The following AK8 variants were observed in gnomAD, a reference collection of about 807,000 sequenced individuals.
AK8 encodes adenylate kinase 8, also known as ATP-AMP transphosphorylase 8.
In AK8, 44 loss-of-function variants were observed where a neutral mutation model predicts 54.6. The observed-to-expected ratio is 0.81, with a 90% CI of 0.63 to 1.04. The LOEUF is 1.04. Ranked by LOEUF, AK8 falls within the 50% of genes least tolerant of loss-of-function variation. The probability of loss-of-function intolerance (pLI) is 0.00; values close to 1 mark genes in which losing one functional copy is unlikely to be tolerated. For missense variants in AK8, 555 were observed against 613.6 expected, an observed-to-expected ratio of 0.90 and a Z score of 1.01; for synonymous variants, 239 against 245.6, an observed-to-expected ratio of 0.97 and a Z score of 0.25.
At chr9:132,740,071 A>G (rs985503743) in intron 11 of AK8, among the ~76,000 whole-genome samples, 2 of 152,222 alleles carry the variant, frequency 1.3e-5, no homozygotes, top group African/African-American at 2.4e-5. Flanking sequence ...GCGTCCTTAA[A>G]TGCGGAAGAG....
intron 5 of AK8, among the ~76,000 whole-genome samples, chr9:132,851,887 G>A (rs1171767238): frequency 3.3e-5 from 5 of 152,196 alleles, no homozygotes; most frequent in South Asian, 2.1e-4. Flanking sequence ...ATTACTTAGC[G>A]CAGGGAGAAC....
At chr9:132,869,407 C>T (rs1219190311) in intron 2 of AK8, among the ~76,000 whole-genome samples, 4 of 152,228 alleles carry the variant, frequency 2.6e-5, no homozygotes, top group African/African-American at 7.2e-5. Flanking sequence ...ACCATGCTGC[C>T]GCCATCAACC....
At chr9:132,820,718 A>C (rs1250275295) in intron 9 of AK8, among the ~76,000 whole-genome samples, 1 of 152,126 alleles carries the variant, frequency 6.6e-6, no homozygotes, top group African/African-American at 2.4e-5. Context: ...TGTGGGAGTG[A>C]GTGTGGGGGC....
At chr9:132,767,871 G>A (rs898197686) in intron 11 of AK8, among the ~76,000 whole-genome samples, 1 of 152,180 alleles carries the variant, frequency 6.6e-6, no homozygotes. Flanking sequence ...GAAAAATATG[G>A]CATGTTCTCA....
chr9:132,855,276 G>A (rs948536777), intron 4 of AK8, among the ~76,000 whole-genome samples: 5 of 152,148 alleles, frequency 3.3e-5, no homozygotes, highest in South Asian at 2.1e-4. Context: ...GCTACTTCCC[G>A]TGCTCCATCA....
Position 132,793,088 on chromosome 9 carries a change from G to A in AK8, c.980-313C>T, listed in dbSNP as rs1349447822. ...TGTCCCCCTGTCTTAGTCCATTTGG[G>A]CTGCTATAGCAAAATCCCGTAAACT... On this transcript the variant is annotated intron_variant, in intron 10 of 12. Transcript: ENST00000298545. 2.0e-5 allele frequency among the ~76,000 whole-genome samples: 3 copies of A among 152,250 alleles called. No homozygotes were observed. In the East Asian group the frequency reaches 5.8e-4, roughly 29 times the overall value.
At chr9:132,738,041 T>A (rs953636449) in intron 11 of AK8, among the ~76,000 whole-genome samples, 2 of 142,086 alleles carry the variant, frequency 1.4e-5, no homozygotes, top group Non-Finnish European at 3.0e-5. Context: ...GCACAAGATT[T>A]CCCATTGCTG....
chr9:132,743,433 C>T (rs937136324), intron 11 of AK8, among the ~76,000 whole-genome samples: 2 of 152,252 alleles, frequency 1.3e-5, no homozygotes, highest in Non-Finnish European at 2.9e-5. Flanking sequence ...GTGACAACTG[C>T]TGCTTTAAAA....
At chr9:132,816,716 C>G (rs1841344240) in intron 9 of AK8, among the ~76,000 whole-genome samples, 1 of 152,180 alleles carries the variant, frequency 6.6e-6, no homozygotes, top group Non-Finnish European at 1.5e-5. Flanking sequence ...AACAGAGAGA[C>G]AGGTCTGTAA....
At chr9:132,814,980 G>A (rs1271153572) in intron 9 of AK8, among the ~76,000 whole-genome samples, 1 of 152,224 alleles carries the variant, frequency 6.6e-6, no homozygotes, top group Non-Finnish European at 1.5e-5. Context: ...AATGGACGGC[G>A]TGGGGAAGAC....
chr9:132,875,078 G>A (rs1427604738), intron 2 of AK8, 37 bp downstream of exon 2: 1 of 1,612,096 alleles, frequency 6.2e-7, no homozygotes, highest in South Asian at 1.1e-5. Context: ...GAGGGGAAGG[G>A]AAGACGAGGA....
rs191779144 is a variant in AK8 at position 132,789,349 on chromosome 9, G to A, written c.1121+3285C>T. On this transcript the variant is annotated intron_variant, in intron 11 of 12. Coordinates refer to ENST00000298545, the MANE Select transcript of AK8 (RefSeq NM_152572.3). ...GCAGTAGCTCATGCCTGTAATCCAA[G>A]CACTTTGGGAGGCTGAGATGGGTGG... Among the ~76,000 whole-genome samples, 161 of 151,714 alleles carry A rather than the reference G, an allele frequency of 1.1e-3. 1 individual carries two copies. The highest frequency in any genetic ancestry group is 1.4e-3 in the Non-Finnish European group (98 of 67,912).
chr9:132,760,971 C>T (rs529647358), intron 11 of AK8, among the ~76,000 whole-genome samples: 12 of 152,080 alleles, frequency 7.9e-5, no homozygotes, highest in African/African-American at 2.7e-4. Flanking sequence ...ACTATATTTA[C>T]GAATAACATT....
intron 11 of AK8, among the ~76,000 whole-genome samples, chr9:132,730,532 A>G (rs1431749470): frequency 1.3e-5 from 2 of 151,316 alleles, no homozygotes; most frequent in Non-Finnish European, 2.9e-5. Context: ...GATCTTAGAC[A>G]TGTAATTCCC....
intron 10 of AK8, among the ~76,000 whole-genome samples, chr9:132,794,998 T>C (rs977024866): frequency 4.6e-5 from 7 of 152,140 alleles, no homozygotes; most frequent in Admixed American, 1.3e-4. Flanking sequence ...TCAGGAGATG[T>C]GTGTGGGGAA....
At chr9:132,805,812 C>A (rs1243243469) in intron 10 of AK8, among the ~76,000 whole-genome samples, 1 of 152,050 alleles carries the variant, frequency 6.6e-6, no homozygotes, top group Non-Finnish European at 1.5e-5. Flanking sequence ...GAAAAAGACT[C>A]CTACCTAGTT....
intron 11 of AK8, among the ~76,000 whole-genome samples, chr9:132,763,528 A>ACCC (rs1838584073): frequency 6.6e-6 from 1 of 152,266 alleles, no homozygotes; most frequent in Admixed American, 6.5e-5. Context: ...AGATGCGTAA[A>ACCC]CAGACTGTAA....
At position 132,725,856 on chromosome 9, in the gene AK8, A is replaced by G; in HGVS notation, c.1272T>C (p.Asp424=). The G allele has an allele frequency of 6.2e-7, 1 of 1,610,474 alleles. No homozygotes were observed. The highest frequency in any genetic ancestry group is 8.5e-7 in the Non-Finnish European group (1 of 1,178,998). Residue 424 remains aspartate (D), a synonymous_variant, in exon 13 of 13, where the codon GAT becomes GAC. Coordinates refer to ENST00000298545, the MANE Select transcript of AK8 (RefSeq NM_152572.3). ...IQARLLQNPK[D]AEEQVKLKMD... ...TTTTCAGCTTGACCTGCTCTTCAGCATCCTTTGGGTTCTGCAGGAGGCGAG... is the reference window on the plus strand; with the variant it reads ...TTTTCAGCTTGACCTGCTCTTCAGCGTCCTTTGGGTTCTGCAGGAGGCGAG...
chr9:132,847,702 C>G (rs1842802776), intron 5 of AK8, among the ~76,000 whole-genome samples: 1 of 152,132 alleles, frequency 6.6e-6, no homozygotes, highest in South Asian at 2.1e-4. Context: ...CAAAGAGAGC[C>G]AGGCATGGTG....
Sources: gnomAD v4.1 joint callset for allele counts (sites outside exome capture counted in the v4.1 genomes callset) on GRCh38, gnomAD v4.1.1 for gene constraint, MANE v1.5 for transcripts, NCBI Gene and HGNC (gene_info 2026-07-23, HGNC 2026-07-21) for gene names.